Variants in GCH1 observed in about 807,000 individuals in gnomAD.
The protein encoded by GCH1 is GTP cyclohydrolase I.
In GCH1, 5 loss-of-function variants were observed where a neutral mutation model predicts 25.9. The ratio of observed to expected loss-of-function variants is 0.19; its 90% CI spans 0.10 to 0.41. GCH1 has a LOEUF of 0.41. Ranked by LOEUF, GCH1 falls within the 10% of genes least tolerant of loss-of-function variation. The pLI is 1.00. For synonymous variants in GCH1, 159 were observed against 129.6 expected, an observed-to-expected ratio of 1.23 and a Z score of -1.54; for missense variants, 261 against 336.5, an observed-to-expected ratio of 0.78 and a Z score of 1.75.
In GCH1 at chr14:54,842,881, G is replaced by A. The variant is rs957397528; in HGVS notation, c.*1136C>T. 3 of 543,004 alleles carry A rather than the reference G, an allele frequency of 5.5e-6. No homozygotes were observed. Among genetic ancestry groups the A allele is most frequent in the Admixed American group, 6.8e-5 (2 of 29,628 alleles). The allele number at this position is 543,004 out of a possible 1,614,324, so 33.6% of individuals were successfully genotyped here. A position where few individuals can be genotyped will look rare whatever the true frequency, so the allele number is the denominator to read the frequency against. Reference sequence around the variant, plus strand: ...TACCATCTATACGGAGTTACAATGAGGACAAGACCCACATAGACCACAAAG... The same window carrying A: ...TACCATCTATACGGAGTTACAATGAAGACAAGACCCACATAGACCACAAAG... On this transcript the variant is annotated 3_prime_UTR_variant, in exon 6 of 6. Coordinates refer to ENST00000491895, the MANE Select transcript of GCH1 (RefSeq NM_000161.3).
At chr14:54,884,788 AACAACAACAAC>A (rs1429997008) in intron 1 of GCH1, 1 of 131,584 alleles carries the variant, frequency 7.6e-6, no homozygotes, top group African/African-American at 4.2e-5. Context: ...CAACAACAAC[AACAACAACAAC>A]AAAAAAAAAG....
intron 3 of GCH1, among the ~76,000 whole-genome samples, chr14:54,855,413 G>A (rs1446444876): frequency 6.7e-6 from 1 of 149,956 alleles, no homozygotes; most frequent in Non-Finnish European, 1.5e-5. Flanking sequence ...GGCTGAGGCA[G>A]GAGAATCGCT....
At chr14:54,851,076 A>G (rs1391545773) in intron 3 of GCH1, among the ~76,000 whole-genome samples, 2 of 152,186 alleles carry the variant, frequency 1.3e-5, no homozygotes, top group Non-Finnish European at 2.9e-5. Context: ...CAGAAATAAT[A>G]CCACACATCT....
At chr14:54,891,590 T>G (rs2040424260) in intron 1 of GCH1, among the ~76,000 whole-genome samples, 1 of 151,886 alleles carries the variant, frequency 6.6e-6, no homozygotes, top group Non-Finnish European at 1.5e-5. Flanking sequence ...TTGTACATTT[T>G]GTAGAAATGA....
intron 3 of GCH1, among the ~76,000 whole-genome samples, chr14:54,851,511 T>C (rs1028403297): frequency 1.1e-4 from 16 of 152,124 alleles, no homozygotes; most frequent in Non-Finnish European, 1.6e-4. Context: ...ACAAAGAACT[T>C]TAACAAATTT....
intron 1 of GCH1, among the ~76,000 whole-genome samples, chr14:54,872,582 T>G (rs975450991): frequency 2.6e-5 from 4 of 152,182 alleles, no homozygotes; most frequent in African/African-American, 9.7e-5. Flanking sequence ...GACCCATCAG[T>G]GTGCTGTATT....
At position 54,858,351 on chromosome 14, in the gene GCH1, T is replaced by A. The variant is rs192407727; in HGVS notation, c.509+1330A>T. Among the ~76,000 whole-genome samples the A allele has an allele frequency of 2.6e-5, 4 of 152,324 alleles. No homozygotes were observed. The East Asian group carries it at 7.7e-4, about 29-fold the overall frequency. On this transcript the variant is annotated intron_variant, in intron 3 of 5. Coordinates refer to ENST00000491895, the MANE Select transcript of GCH1 (RefSeq NM_000161.3). ...CCCAGGCTGGAGTGCAATGGCACAA[T>A]CTCGGCTCACTGCAAGCTCTGCCTC...
At chr14:54,850,993 G>C (rs113794743) in intron 3 of GCH1, among the ~76,000 whole-genome samples, 2,034 of 152,284 alleles carry the variant, frequency 0.013, 33 homozygotes, top group African/African-American at 0.045. Flanking sequence ...ATACTACAAG[G>C]CTACAGTAAC....
In GCH1 at chr14:54,843,134, G is replaced by T; in HGVS notation, c.*883C>A. 1 of 1,514,882 alleles carries T rather than the reference G, an allele frequency of 6.6e-7. No homozygotes were observed. The allele number at this position is 1,514,882 out of a possible 1,614,324, so 93.8% of individuals were successfully genotyped here. On this transcript the variant is annotated 3_prime_UTR_variant, in exon 6 of 6. Transcript: ENST00000491895. ...ATAAGATTAAAAAAAAGAAGAAGAA[G>T]AAACATTTTGAGGCATCTACATGGA...
intron 3 of GCH1, among the ~76,000 whole-genome samples, chr14:54,857,768 G>A (rs1025894448): frequency 4.6e-5 from 7 of 152,194 alleles, no homozygotes; most frequent in Admixed American, 1.3e-4. Flanking sequence ...GAAGGGAGTC[G>A]TTAATAAAAA....
At chr14:54,898,073 G>A (rs1320518247) in intron 1 of GCH1, among the ~76,000 whole-genome samples, 1 of 152,156 alleles carries the variant, frequency 6.6e-6, no homozygotes, top group Non-Finnish European at 1.5e-5. Flanking sequence ...TAACACAATG[G>A]TATTTGTGTA....
intron 3 of GCH1, among the ~76,000 whole-genome samples, chr14:54,855,543 A>C (rs928475518): frequency 7.3e-6 from 1 of 137,438 alleles, no homozygotes; most frequent in Non-Finnish European, 1.5e-5. Flanking sequence ...GGCCGGGTGC[A>C]GTGACTCATG....
intron 2 of GCH1, among the ~76,000 whole-genome samples, chr14:54,861,253 G>A (rs1410912035): frequency 1.3e-5 from 2 of 152,018 alleles, no homozygotes; most frequent in South Asian, 2.1e-4. Context: ...GTTGGCAGGA[G>A]GAAAAAGTAA....
At chr14:54,856,849 T>C (rs559902101) in intron 3 of GCH1, among the ~76,000 whole-genome samples, 1 of 152,328 alleles carries the variant, frequency 6.6e-6, no homozygotes, top group South Asian at 2.1e-4. Flanking sequence ...TATTCTAGAA[T>C]TCTACTAGAG....
intron 3 of GCH1, among the ~76,000 whole-genome samples, chr14:54,855,504 T>TCAAAAAAA (rs2039796015): frequency 5.5e-5 from 2 of 36,370 alleles, no homozygotes; most frequent in Non-Finnish European, 8.1e-5. Context: ...AGACCCTGTC[T>TCAAAAAAA]CAAAAAAAAA....
intron 1 of GCH1, among the ~76,000 whole-genome samples, chr14:54,868,737 G>A (rs1190694206): frequency 6.6e-6 from 1 of 151,908 alleles, no homozygotes; most frequent in Non-Finnish European, 1.5e-5. Context: ...AAGTAGCTGG[G>A]ACTACAGGCG....
chr14:54,844,184 AG>A (rs1201968387), intron 5 of GCH1, 41 bp from the exon 6 acceptor site: 6 of 1,409,332 alleles, frequency 4.3e-6, no homozygotes, highest in African/African-American at 1.4e-5. Flanking sequence ...AGGAGTAGAC[AG>A]CTGCTGGTTT....
At chr14:54,871,972 A>G (rs60026945) in intron 1 of GCH1, among the ~76,000 whole-genome samples, 1 of 151,560 alleles carries the variant, frequency 6.6e-6, no homozygotes, top group Admixed American at 6.6e-5. Flanking sequence ...GCAGGCCAAC[A>G]TTCAGATTCA....
chr14:54,881,216 A>G (rs2040267952), intron 1 of GCH1, among the ~76,000 whole-genome samples: 1 of 152,166 alleles, frequency 6.6e-6, no homozygotes, highest in African/African-American at 2.4e-5. Context: ...AGAAACAAAC[A>G]TTAAAAAAAC....
Sources: gnomAD v4.1 joint callset for allele counts (sites outside exome capture counted in the v4.1 genomes callset) on GRCh38, gnomAD v4.1.1 for gene constraint, MANE v1.5 for transcripts, NCBI Gene and HGNC (gene_info 2026-07-23, HGNC 2026-07-21) for gene names.